Variants in SLC25A26 observed in about 807,000 individuals in gnomAD.
SLC25A26 encodes the protein solute carrier family 25 member 26, also known as mitochondrial S-adenosylmethionine carrier protein.
A neutral mutation model predicts 37.8 loss-of-function variants in SLC25A26; 36 were observed. The ratio of observed to expected loss-of-function variants is 0.95; its 90% CI spans 0.73 to 1.26. The LOEUF is 1.26. Among genes scored for constraint, SLC25A26 ranks in the 50% most tolerant of loss-of-function variants. SLC25A26 has a pLI of 0.00. For synonymous variants in SLC25A26, 129 were observed against 122.5 expected (o/e 1.05, Z -0.35); for missense variants, 390 against 331.1 (o/e 1.18, Z -1.38).
At chr3:66,358,817 T>C (rs2076634021) in intron 6 of SLC25A26, among the ~76,000 whole-genome samples, 1 of 152,174 alleles carries the variant, frequency 6.6e-6, no homozygotes. Context: ...ATAATAAAAA[T>C]TACATGTAAG....
chr3:66,316,164 T>C lies in SLC25A26; in HGVS notation c.454-30200T>C, dbSNP rs2075533622. Among the ~76,000 whole-genome samples, 3 of 152,250 alleles carry C rather than the reference T, an allele frequency of 2.0e-5. No individual in the cohort carries two copies. In the South Asian group the frequency reaches 6.2e-4, roughly 31 times the overall value. On this transcript the variant is annotated intron_variant, in intron 5 of 9. Transcript: ENST00000354883. ...GAATTTGATTGTTTCATCATGATGC[T>C]GGCTGATTATTTTGCAGACTTGTTT...
intron 2 of SLC25A26, among the ~76,000 whole-genome samples, chr3:66,239,222 C>T (rs546855198): frequency 1.3e-5 from 2 of 151,136 alleles, no homozygotes; most frequent in East Asian, 3.9e-4. Context: ...TCTGTTAGCT[C>T]TTGAATTTAA....
chr3:66,374,257 T>C (rs1045624184), intron 9 of SLC25A26, among the ~76,000 whole-genome samples: 13 of 152,222 alleles, frequency 8.5e-5, no homozygotes, highest in Non-Finnish European at 1.8e-4. Flanking sequence ...CCTTTTCCAA[T>C]AGCACATGAT....
rs759421696 is a variant in SLC25A26 at position 66,267,457 on chromosome 3, A to G, written c.453+4078A>G. ...AACTTCTTGCCCTCAGCTGTTTGCC[A>G]GGGACTGGAGTGGAGAATTTGGGAA... On this transcript the variant is annotated intron_variant, in intron 5 of 9. Coordinates refer to ENST00000354883, the MANE Select transcript of SLC25A26 (RefSeq NM_001379210.1). Among the ~76,000 whole-genome samples the G allele has an allele frequency of 7.3e-4, 111 of 152,158 alleles. 1 individual carries two copies. Among genetic ancestry groups the G allele is most frequent in the Admixed American group, 4.6e-4 (7 of 15,278 alleles).
At chr3:66,225,688 A>G (rs571055772) in intron 1 of SLC25A26, among the ~76,000 whole-genome samples, 19 of 152,326 alleles carry the variant, frequency 1.2e-4, no homozygotes, top group African/African-American at 4.6e-4. Flanking sequence ...ATCAGGCTGC[A>G]AATTTTCCAA....
chr3:66,225,450 G>T (rs898495947), intron 1 of SLC25A26, among the ~76,000 whole-genome samples: 2 of 152,142 alleles, frequency 1.3e-5, no homozygotes, highest in African/African-American at 4.8e-5. Flanking sequence ...AAGTCCTGAG[G>T]CTGCACACAG....
intron 5 of SLC25A26, among the ~76,000 whole-genome samples, chr3:66,338,328 T>G (rs2076135586): frequency 6.6e-6 from 1 of 152,032 alleles, no homozygotes; most frequent in Admixed American, 6.6e-5. Flanking sequence ...TTGTCATTGC[T>G]CTTGGATAAA....
rs1364331517 is a variant in SLC25A26 at position 66,208,870 on chromosome 3, G to GTGTATATATA, written c.-353-11871_-353-11870insGTATATATAT. Among the ~76,000 whole-genome samples, 130 of 55,902 alleles carry GTGTATATATA rather than the reference G, an allele frequency of 2.3e-3. 5 individuals are homozygous for GTGTATATATA. Among genetic ancestry groups the GTGTATATATA allele is most frequent in the South Asian group, 0.01 (9 of 864 alleles). The allele number at this position is 55,902 out of a possible 152,430, so 36.7% of individuals were successfully genotyped here. On this transcript the variant is annotated intron_variant, in intron 1 of 10. Transcript: ENST00000676754. ...TATATATACCTTTATATGGGTGTGT[G>GTGTATATATA]TATATATATATATATACACCTTTAT...
chr3:66,241,259 G>A (rs1215238965), intron 2 of SLC25A26, among the ~76,000 whole-genome samples: 1 of 151,948 alleles, frequency 6.6e-6, no homozygotes, highest in Non-Finnish European at 1.5e-5. Flanking sequence ...TCTGAGGTGT[G>A]GATTGGGCAT....
chr3:66,226,481 CTTTTT>C (rs375300790), intron 1 of SLC25A26, among the ~76,000 whole-genome samples: 1 of 148,900 alleles, frequency 6.7e-6, no homozygotes, highest in Non-Finnish European at 1.5e-5. Context: ...GCGTTCTTTT[CTTTTT>C]TTTTTGAGAC....
intron 1 of SLC25A26, among the ~76,000 whole-genome samples, chr3:66,235,071 T>C (rs1559598910): frequency 6.6e-6 from 1 of 152,194 alleles, no homozygotes; most frequent in Non-Finnish European, 1.5e-5. Context: ...TATGTTTTTG[T>C]CTTTTTCACT....
intron 5 of SLC25A26, among the ~76,000 whole-genome samples, chr3:66,274,429 A>G (rs2074061422): frequency 6.6e-6 from 1 of 152,138 alleles, no homozygotes; most frequent in Non-Finnish European, 1.5e-5. Context: ...GAGCTTCTGC[A>G]CAGCAAAAGA....
intron 5 of SLC25A26, among the ~76,000 whole-genome samples, chr3:66,317,512 C>T (rs2107627626): frequency 1.3e-5 from 2 of 152,312 alleles, no homozygotes; most frequent in Middle Eastern, 6.8e-3. Flanking sequence ...CAGAGAGGCA[C>T]TGACCTGATG....
intron 1 of SLC25A26, among the ~76,000 whole-genome samples, chr3:66,150,081 A>G (rs2070177450): frequency 6.6e-6 from 1 of 152,190 alleles, no homozygotes; most frequent in Admixed American, 6.5e-5. Flanking sequence ...GAAGATGGAA[A>G]TTCTGGCCAT....
chr3:66,289,069 A>G (rs1321489473), intron 5 of SLC25A26, among the ~76,000 whole-genome samples: 2 of 152,136 alleles, frequency 1.3e-5, no homozygotes, highest in African/African-American at 2.4e-5. Flanking sequence ...GCATTTCTCT[A>G]ATGCCCATTG....
intron 7 of SLC25A26, among the ~76,000 whole-genome samples, chr3:66,369,177 TTCA>T (rs1292310197): frequency 6.6e-6 from 1 of 152,168 alleles, no homozygotes; most frequent in East Asian, 1.9e-4. Flanking sequence ...TGTGTACACA[TTCA>T]TCATGTATGT....
intron 1 of SLC25A26, among the ~76,000 whole-genome samples, chr3:66,208,731 C>CACATTTATATGGGTATATATATATAT (rs2071216682): frequency 7.8e-6 from 1 of 128,712 alleles, no homozygotes; most frequent in Non-Finnish European, 1.6e-5. Flanking sequence ...TATATATATA[C>CACATTTATATGGGTATATATATATAT]ACATTTATAT....
intron 5 of SLC25A26, among the ~76,000 whole-genome samples, chr3:66,298,272 G>A (rs1382062217): frequency 1.3e-5 from 2 of 152,196 alleles, no homozygotes; most frequent in Admixed American, 1.3e-4. Flanking sequence ...GGTATATCAG[G>A]AGGAAAATGA....
At chr3:66,373,192 GTAGC>G (rs1700448065) in intron 9 of SLC25A26, among the ~76,000 whole-genome samples, 1 of 152,096 alleles carries the variant, frequency 6.6e-6, no homozygotes, top group Admixed American at 6.5e-5. Context: ...CCTTTATGTA[GTAGC>G]TGCCACTGCC....
Sources: allele counts gnomAD v4.1 joint callset (sites outside exome capture counted in the v4.1 genomes callset), GRCh38; gene constraint gnomAD v4.1.1; transcripts MANE v1.5; gene names NCBI Gene and HGNC (gene_info 2026-07-23, HGNC 2026-07-21).